KCNB2: variants seen among roughly 807,000 people sequenced by gnomAD.
The protein encoded by KCNB2 is potassium voltage-gated channel subfamily B member 2.
KCNB2 carries 15 observed loss-of-function variants against 61.5 expected under a neutral mutation model. The observed-to-expected ratio is 0.24, with a 90% CI of 0.16 to 0.38. KCNB2 has a LOEUF of 0.38. Among genes scored for constraint, KCNB2 ranks in the 10% least tolerant of loss-of-function variants. KCNB2 has a pLI of 1.00. For missense variants in KCNB2, 828 were observed against 1,125.2 expected, an observed-to-expected ratio of 0.74 and a Z score of 3.78; for synonymous variants, 457 against 446.0, an observed-to-expected ratio of 1.02 and a Z score of -0.31.
intron 2 of KCNB2, among the ~76,000 whole-genome samples, chr8:72,654,894 G>A (rs1193861501): frequency 2.0e-5 from 3 of 152,090 alleles, no homozygotes; most frequent in African/African-American, 4.8e-5. Context: ...GCAGTTTGGC[G>A]ATTTCTCAAA....
intron 2 of KCNB2, among the ~76,000 whole-genome samples, chr8:72,772,562 T>C (rs759966703): frequency 1.3e-5 from 2 of 152,220 alleles, no homozygotes; most frequent in Non-Finnish European, 2.9e-5. Flanking sequence ...ATTAAATTTG[T>C]CTTCCCCACC....
chr8:72,579,484 C>G (rs1326357927), intron 2 of KCNB2, among the ~76,000 whole-genome samples: 7 of 152,158 alleles, frequency 4.6e-5, no homozygotes, highest in Non-Finnish European at 1.0e-4. Flanking sequence ...GTAGAATTTT[C>G]TCTTGTCAAC....
chr8:72,668,834 T>C (rs1300243024), intron 2 of KCNB2, among the ~76,000 whole-genome samples: 1 of 152,210 alleles, frequency 6.6e-6, no homozygotes. Flanking sequence ...GTTATTCCTG[T>C]GCCTCACACA....
intron 2 of KCNB2, among the ~76,000 whole-genome samples, chr8:72,935,732 G>A (rs943126750): frequency 1.3e-5 from 2 of 152,168 alleles, no homozygotes; most frequent in Admixed American, 1.3e-4. Flanking sequence ...CGGAAGGGGG[G>A]AATGGAATTT....
At chr8:72,832,527 T>G (rs908333189) in intron 2 of KCNB2, among the ~76,000 whole-genome samples, 1 of 152,064 alleles carries the variant, frequency 6.6e-6, no homozygotes, top group African/African-American at 2.4e-5. Context: ...AGGACTAAAA[T>G]TAAAGCAGTA....
intron 2 of KCNB2, among the ~76,000 whole-genome samples, chr8:72,599,807 A>G (rs571546935): frequency 6.6e-6 from 1 of 152,342 alleles, no homozygotes; most frequent in East Asian, 1.9e-4. Context: ...GACACTTCTC[A>G]AAAGAAGACA....
intron 2 of KCNB2, among the ~76,000 whole-genome samples, chr8:72,925,605 C>G (rs764022532): frequency 6.6e-6 from 1 of 151,974 alleles, no homozygotes; most frequent in Non-Finnish European, 1.5e-5. Context: ...ACCAAGCTGG[C>G]GAAATTGTGG....
rs78746788 is a variant in KCNB2, at chr8:72,648,644, T to C, written c.579+80331T>C. Among the ~76,000 whole-genome samples the C allele has an allele frequency of 1.9e-3, 291 of 151,838 alleles. 2 individuals are homozygous for C. Among genetic ancestry groups the C allele is most frequent in the African/African-American group, 6.7e-3 (277 of 41,424 alleles). Reference sequence around the variant, plus strand: ...TAACAAATTTATATTAATGAATGAATGTTTGGTAATATATTCAGTTTTTGC... The same window carrying C: ...TAACAAATTTATATTAATGAATGAACGTTTGGTAATATATTCAGTTTTTGC... On this transcript the variant is annotated intron_variant, in intron 2 of 2. Coordinates refer to ENST00000523207, the MANE Select transcript of KCNB2 (RefSeq NM_004770.3).
At chr8:72,547,835 C>T (rs935286140) in intron 1 of KCNB2, among the ~76,000 whole-genome samples, 1 of 152,142 alleles carries the variant, frequency 6.6e-6, no homozygotes, top group East Asian at 1.9e-4. Flanking sequence ...ATGATTGACT[C>T]GAATTTGAAC....
intron 2 of KCNB2, among the ~76,000 whole-genome samples, chr8:72,591,480 A>G (rs891466816): frequency 1.3e-5 from 2 of 152,178 alleles, no homozygotes; most frequent in African/African-American, 4.8e-5. Context: ...TAAACCTGCT[A>G]TCTACTATGG....
chr8:72,755,643 A>G (rs1014833014), intron 2 of KCNB2, among the ~76,000 whole-genome samples: 13 of 152,190 alleles, frequency 8.5e-5, no homozygotes, highest in African/African-American at 3.1e-4. Context: ...TAAAACCACA[A>G]TTAGATATTA....
At chr8:72,802,132 C>T (rs1011089302) in intron 2 of KCNB2, among the ~76,000 whole-genome samples, 1 of 152,070 alleles carries the variant, frequency 6.6e-6, no homozygotes, top group East Asian at 1.9e-4. Context: ...TCAATTGTTA[C>T]GTAGTATTGT....
intron 2 of KCNB2, among the ~76,000 whole-genome samples, chr8:72,693,993 T>C (rs981618649): frequency 1.7e-4 from 26 of 152,190 alleles, no homozygotes; most frequent in African/African-American, 6.0e-4. Context: ...AATGTTTATC[T>C]TAAGGACCAA....
In KCNB2 at chr8:72,647,564, C is replaced by G. The variant is rs571511563; in HGVS notation, c.579+79251C>G. Among the ~76,000 whole-genome samples, 109 of 152,004 alleles carry G rather than the reference C, an allele frequency of 7.2e-4. 1 individual carries two copies. Among genetic ancestry groups the G allele is most frequent in the East Asian group, 3.1e-3 (16 of 5,170 alleles). ...ACTATCAAAGATAAACACAGCTGTA[C>G]ATTCATTAAAGTGGTGAAAACAGAT... On this transcript the variant is annotated intron_variant, in intron 2 of 2. Transcript: ENST00000523207.
At chr8:72,849,942 C>G (rs1810064817) in intron 2 of KCNB2, among the ~76,000 whole-genome samples, 1 of 151,992 alleles carries the variant, frequency 6.6e-6, no homozygotes, top group East Asian at 1.9e-4. Flanking sequence ...TCTACAACAC[C>G]CACCATTTGT....
chr8:72,889,407 G>A (rs1660336135), intron 2 of KCNB2, among the ~76,000 whole-genome samples: 1 of 152,180 alleles, frequency 6.6e-6, no homozygotes, highest in African/African-American at 2.4e-5. Flanking sequence ...CATATCAACA[G>A]CCACATGCGG....
chr8:72,690,038 T>TAAAAA (rs5892360), intron 2 of KCNB2, among the ~76,000 whole-genome samples: 1 of 148,612 alleles, frequency 6.7e-6, no homozygotes, highest in Admixed American at 6.7e-5. Context: ...GCCCTCGCCA[T>TAAAAA]AAAAAAAAAA....
At chr8:72,904,425 T>C (rs1213379580) in intron 2 of KCNB2, among the ~76,000 whole-genome samples, 1 of 152,140 alleles carries the variant, frequency 6.6e-6, no homozygotes, top group Admixed American at 6.6e-5. Context: ...GACTAATACC[T>C]GGGTGATGGG....
intron 2 of KCNB2, among the ~76,000 whole-genome samples, chr8:72,907,706 G>A (rs937336510): frequency 3.3e-5 from 5 of 152,146 alleles, no homozygotes; most frequent in African/African-American, 4.8e-5. Flanking sequence ...ATGTAGGCTC[G>A]AAAGCATCAG....
Sources: allele counts gnomAD v4.1 joint callset (sites outside exome capture counted in the v4.1 genomes callset), GRCh38; gene constraint gnomAD v4.1.1; transcripts MANE v1.5; gene names NCBI Gene and HGNC (gene_info 2026-07-23, HGNC 2026-07-21).